Variants in CTSB observed in about 807,000 individuals in gnomAD.
The protein encoded by CTSB is APP secretase.
A neutral mutation model predicts 44.3 loss-of-function variants in CTSB; 57 were observed. The ratio of observed to expected loss-of-function variants is 1.29; its 90% confidence interval spans 1.04 to 1.60. The LOEUF (loss-of-function observed/expected upper bound fraction) is 1.60. Among genes scored for constraint, CTSB ranks in the 40% most tolerant of loss-of-function variants. The pLI, the probability that CTSB is intolerant of heterozygous loss-of-function variation, is 0.00. For synonymous variants in CTSB, 320 were observed against 168.0 expected (o/e 1.91, Z -7.00); for missense variants, 768 against 443.0 (o/e 1.73, Z -6.59).
chr8:11,860,219 G>C (rs979813157), intron 1 of CTSB, among the ~76,000 whole-genome samples: 2 of 152,216 alleles, frequency 1.3e-5, no homozygotes, highest in Non-Finnish European at 2.9e-5. Context: ...CTGGCTGATA[G>C]ACAAAAAAAG....
At chr8:11,845,810 T>TGAGACC (rs757166447) in intron 8 of CTSB, 21 bp from the exon 9 acceptor site, 1 of 1,601,568 alleles carries the variant, frequency 6.2e-7, no homozygotes, top group Non-Finnish European at 8.5e-7. Flanking sequence ...AAGAACTGGC[T>TGAGACC]GAGACCGAGA....
At chr8:11,846,864 A>G (rs1224970940) in intron 8 of CTSB, among the ~76,000 whole-genome samples, 188 bp downstream of exon 8, 2 of 152,076 alleles carry the variant, frequency 1.3e-5, no homozygotes, top group Admixed American at 6.5e-5. Flanking sequence ...CAACACCTGG[A>G]CAAAGACAGT....
intron 8 of CTSB, 99 bp from the exon 9 acceptor site, chr8:11,845,888 CAGCTTCCA>C (rs775216954): frequency 4.3e-6 from 6 of 1,411,256 alleles, no homozygotes; most frequent in Non-Finnish European, 5.6e-6. Context: ...GAAGGAGAAA[CAGCTTCCA>C]GAGGGAACCT....
intron 8 of CTSB, 23 bp downstream of exon 8, chr8:11,847,029 T>G (rs1563383696): frequency 1.6e-6 from 2 of 1,283,706 alleles, no homozygotes; most frequent in African/African-American, 1.5e-5. Context: ...CACCCTCTAT[T>G]GCCATCAGCC....
intron 9 of CTSB, 141 bp from the exon 10 acceptor site, chr8:11,845,363 G>A (rs528524543): frequency 1.9e-4 from 135 of 694,358 alleles, no homozygotes; most frequent in Admixed American, 4.1e-4. Context: ...ACACCACAAG[G>A]CTTCTGGAGC....
intron 5 of CTSB, chr8:11,848,483 G>C (rs1813884442): frequency 4.8e-6 from 2 of 420,722 alleles, no homozygotes; most frequent in African/African-American, 2.0e-5. Context: ...ACTTCCCTAA[G>C]GTACTTAAAA....
At chr8:11,850,392 C>G (rs1814332600) in intron 4 of CTSB, among the ~76,000 whole-genome samples, 1 of 129,108 alleles carries the variant, frequency 7.7e-6, no homozygotes, top group African/African-American at 3.0e-5. Flanking sequence ...GCACTCCAGC[C>G]TGGGTGACAG....
chr8:11,853,617 G>T, intron 1 of CTSB, 138 bp from the exon 2 acceptor site: 1 of 802,660 alleles, frequency 1.2e-6, no homozygotes, highest in Non-Finnish European at 1.9e-6. Flanking sequence ...AAGGAGCTGA[G>T]GTGTCTATGG....
intron 1 of CTSB, among the ~76,000 whole-genome samples, chr8:11,858,851 C>G (rs1216549670): frequency 6.6e-6 from 1 of 152,206 alleles, no homozygotes. Flanking sequence ...CATGGGACAG[C>G]AACCCATTTT....
intron 3 of CTSB, among the ~76,000 whole-genome samples, chr8:11,852,108 C>T (rs1049650091): frequency 4.6e-5 from 7 of 152,118 alleles, no homozygotes; most frequent in South Asian, 2.1e-4. Flanking sequence ...TGGCTCATGC[C>T]GGTAATCCCA....
chr8:11,847,243 CT>C, intron 7 of CTSB, 75 bp from the exon 8 acceptor site: 1 of 950,332 alleles, frequency 1.1e-6, no homozygotes, highest in Non-Finnish European at 1.7e-6. Flanking sequence ...CAGCCAGTCA[CT>C]GATTTCTGGT....
At chr8:11,852,466 A>G in intron 3 of CTSB, 144 bp downstream of exon 3, 1 of 480,776 alleles carries the variant, frequency 2.1e-6, no homozygotes, top group Non-Finnish European at 3.7e-6. Flanking sequence ...AAAAGAAACA[A>G]GTACTGTACC....
At chr8:11,847,854 C>A in intron 6 of CTSB, 32 bp from the exon 7 acceptor site, 1 of 1,495,116 alleles carries the variant, frequency 6.7e-7, no homozygotes, top group Non-Finnish European at 8.9e-7. Flanking sequence ...CGGAGTCAAC[C>A]TACAGCCCCC....
Position 11,853,327 on chromosome 8 carries a change from A to G in CTSB, c.126+2T>C, listed in dbSNP as rs113643798. ...TACATAGGACGCAGCCCCACAGCCT[A>G]CCTGCCACGTGGTATTCCGTTTGTT... On this transcript the variant is annotated splice_donor_variant, in intron 2 of 9. Transcript: ENST00000353047. LOFTEE classifies it high-confidence loss of function. 1.2e-6 allele frequency: 2 copies of G among 1,613,066 alleles called. No homozygotes were observed. Among genetic ancestry groups the G allele is most frequent in the Non-Finnish European group, 1.7e-6 (2 of 1,179,746 alleles).
chr8:11,853,273 G>C (rs1814927729), intron 2 of CTSB, 56 bp downstream of exon 2: 5 of 1,599,936 alleles, frequency 3.1e-6, no homozygotes, highest in Non-Finnish European at 4.3e-6. Flanking sequence ...CCTGGAGTCA[G>C]TGTGCACAGA....
rs759754613 is a variant in CTSB, at chr8:11,850,825, C to G, written c.327+41G>C. 2.7e-6 allele frequency: 4 copies of G among 1,474,538 alleles called. No homozygotes were observed. The African/African-American group carries it at 4.2e-5, about 15-fold the overall frequency. The allele number at this position is 1,474,538 out of a possible 1,614,324, so 91.3% of individuals were successfully genotyped here. On this transcript the variant is annotated intron_variant, in intron 4 of 9. Transcript: ENST00000353047. ...CCAAGACTCTCCAGTGTTGCTCCCA[C>G]TTTCTCTCCAGCGCTTCCCCGCCAG...
rs11548599 is a variant in CTSB, at chr8:11,868,004, G to A, written c.-29C>T. ...GCCCCGGGTCCCCAGCACTCACCCA[G>A]CGCTGCAGCCGAGAGCCTGCAGCCC... On this transcript the variant is annotated 5_prime_UTR_variant, in exon 1 of 10. Transcript: ENST00000353047. The A allele has an allele frequency of 0.038, 5,864 of 152,350 alleles. 174 individuals are homozygous for A. Among genetic ancestry groups the A allele is most frequent in the African/African-American group, 0.067 (2,798 of 41,526 alleles). 9.4% of individuals were successfully genotyped at this position (152,350 alleles called of 1,614,324 possible).
At chr8:11,845,616 G>A (rs756541094) in intron 9 of CTSB, 45 bp downstream of exon 9, 1 of 1,596,738 alleles carries the variant, frequency 6.3e-7, no homozygotes, top group Non-Finnish European at 8.6e-7. Flanking sequence ...CACGGGGTGT[G>A]GCTCACAATT....
chr8:11,863,824 G>C (rs1816746746), intron 1 of CTSB, among the ~76,000 whole-genome samples: 1 of 152,088 alleles, frequency 6.6e-6, no homozygotes, highest in African/African-American at 2.4e-5. Flanking sequence ...CACACTGCTG[G>C]GCGAGTAAAT....
Sources: allele counts gnomAD v4.1 joint callset (sites outside exome capture counted in the v4.1 genomes callset), GRCh38; gene constraint gnomAD v4.1.1; transcripts MANE v1.5; gene names NCBI Gene and HGNC (gene_info 2026-07-23, HGNC 2026-07-21).